Variants in DDX60L observed in about 807,000 individuals in gnomAD.
DDX60L encodes probable ATP-dependent RNA helicase DDX60-like.
In DDX60L, 191 loss-of-function variants were observed where a neutral mutation model predicts 211.6. The ratio of observed to expected loss-of-function variants is 0.90; its 90% CI spans 0.80 to 1.02. DDX60L has a LOEUF of 1.02. Among genes scored for constraint, DDX60L ranks in the 50% least tolerant of loss-of-function variants. The pLI is 0.00. For missense variants in DDX60L, 2,007 were observed against 1,984.1 expected (o/e 1.01, Z -0.22); for synonymous variants, 706 against 694.1 (o/e 1.02, Z -0.27).
chr4:168,463,637 T>C (rs1018711208), intron 4 of DDX60L, among the ~76,000 whole-genome samples: 4 of 152,176 alleles, frequency 2.6e-5, no homozygotes, highest in African/African-American at 9.7e-5. Context: ...TCTAGCCTAC[T>C]AGACTGTCAT....
Position 168,427,067 on chromosome 4 carries a change from T to C in DDX60L, c.1930+3A>G, listed in dbSNP as rs376283344. On this transcript the variant is annotated splice_donor_region_variant and intron_variant, in intron 14 of 37. Coordinates refer to ENST00000682922, the MANE Select transcript of DDX60L (RefSeq NM_001012967.3). ...TTTATCCATAGAGTATGGAGTCCCA[T>C]ACCTTCACCTCGGCAATGTTTTTTC... 57 of 1,599,010 alleles carry C rather than the reference T, an allele frequency of 3.6e-5. No homozygotes were observed. The highest frequency in any genetic ancestry group is 4.0e-5 in the Non-Finnish European group (47 of 1,171,372).
intron 29 of DDX60L, among the ~76,000 whole-genome samples, chr4:168,389,450 C>T (rs1299180574): frequency 6.6e-6 from 1 of 152,094 alleles, no homozygotes; most frequent in Non-Finnish European, 1.5e-5. Context: ...TCTGTATTAC[C>T]TGCTGTGCTA....
At chr4:168,430,751 G>A in intron 12 of DDX60L, 113 bp from the exon 13 acceptor site, 1 of 797,362 alleles carries the variant, frequency 1.3e-6, no homozygotes, top group South Asian at 2.5e-5. Flanking sequence ...ATTTGCCAAT[G>A]AGGTCAGATT....
chr4:168,437,176 G>A lies in DDX60L; in HGVS notation c.1295-4061C>T, dbSNP rs144190041. ...AAGAGACATGTTCGAGTCCTAATTC[G>A]CACTATCTGTGAATGTGACCTTATT... On this transcript the variant is annotated intron_variant, in intron 10 of 37. Coordinates refer to ENST00000682922, the MANE Select transcript of DDX60L (RefSeq NM_001012967.3). Among the ~76,000 whole-genome samples the A allele has an allele frequency of 3.4e-3, 512 of 152,278 alleles. 1 individual carries two copies. The highest frequency in any genetic ancestry group is 0.01 in the Middle Eastern group (3 of 294).
chr4:168,423,061 T>A (rs1057346308), intron 15 of DDX60L, among the ~76,000 whole-genome samples: 4 of 151,758 alleles, frequency 2.6e-5, no homozygotes, highest in Admixed American at 2.6e-4. Context: ...GCTCAAGTGA[T>A]CTGCTCACCT....
intron 17 of DDX60L, among the ~76,000 whole-genome samples, chr4:168,421,309 T>A (rs945215341): frequency 6.6e-6 from 1 of 152,204 alleles, no homozygotes; most frequent in African/African-American, 2.4e-5. Flanking sequence ...AAAATAAGTA[T>A]AATTGCAGTA....
At chr4:168,358,466 T>C (rs1738504607) in intron 37 of DDX60L, among the ~76,000 whole-genome samples, 190 bp from the exon 38 acceptor site, 2 of 151,894 alleles carry the variant, frequency 1.3e-5, no homozygotes. Context: ...TCATGTATCT[T>C]GAGAAAGATA....
chr4:168,399,996 CT>C lies in DDX60L; in HGVS notation c.3491+829del, dbSNP rs1746510969. ...TGCCTATTAGGTATTTCTCCTGATCCTCTCTCTCCCTTTTCCTCCCACCCTC... is the reference window on the plus strand; with the variant it reads ...TGCCTATTAGGTATTTCTCCTGATCCCTCTCTCCCTTTTCCTCCCACCCTC... On this transcript the variant is annotated intron_variant, in intron 26 of 37. Coordinates refer to ENST00000682922, the MANE Select transcript of DDX60L (RefSeq NM_001012967.3). 1.9e-4 allele frequency among the ~76,000 whole-genome samples: 29 copies of C among 152,136 alleles called. 1 individual carries two copies. The highest frequency in any genetic ancestry group is 8.8e-5 in the Non-Finnish European group (6 of 68,030).
At chr4:168,387,426 A>C (rs1744096238) in intron 29 of DDX60L, among the ~76,000 whole-genome samples, 1 of 152,260 alleles carries the variant, frequency 6.6e-6, no homozygotes, top group South Asian at 2.1e-4. Flanking sequence ...TTGCAAACAA[A>C]GGATCTGATT....
Position 168,404,028 on chromosome 4 carries a change from C to A in DDX60L, c.3292G>T (p.Val1098Phe). 1 of 1,500,592 alleles carries A rather than the reference C, an allele frequency of 6.7e-7. No individual in the cohort carries two copies. Among genetic ancestry groups the A allele is most frequent in the Non-Finnish European group, 9.0e-7 (1 of 1,115,666 alleles). The allele number at this position is 1,500,592 out of a possible 1,614,324, so 93.0% of individuals were successfully genotyped here. ...TTATCCATTTGTCTTAACTTTTCAA[C>A]AAGAAGAGGAAACATTTTCACCATA... ...KDMVKMFPLL[V>F]EKLRQMDKLP... is the part of the protein sequence containing the mutation. The change falls in exon 25 of 38, where the codon GTT becomes TTT. Residue 1098 changes from valine to phenylalanine, a missense_variant. Physicochemically the swap from Val to Phe is conservative, Grantham distance 50. Transcript: ENST00000682922.
chr4:168,432,642 T>C, intron 11 of DDX60L, 72 bp from the exon 12 acceptor site: 1 of 852,922 alleles, frequency 1.2e-6, no homozygotes, highest in South Asian at 2.3e-5. Flanking sequence ...CAGGCTGTGA[T>C]AACAGAAATT....
intron 29 of DDX60L, among the ~76,000 whole-genome samples, chr4:168,389,811 C>T (rs550931667): frequency 3.9e-5 from 6 of 152,242 alleles, no homozygotes; most frequent in African/African-American, 1.2e-4. Context: ...TAAACCAAGG[C>T]TGTAGCTATA....
intron 36 of DDX60L, among the ~76,000 whole-genome samples, chr4:168,368,266 C>T (rs2149616467): frequency 6.6e-6 from 1 of 152,342 alleles, no homozygotes; most frequent in Non-Finnish European, 1.5e-5. Context: ...CCCTGCATCC[C>T]AGCTGCTCCA....
At chr4:168,459,316 T>TATAA (rs58602584) in intron 5 of DDX60L, among the ~76,000 whole-genome samples, 2,892 of 151,836 alleles carry the variant, frequency 0.019, 77 homozygotes, top group African/African-American at 0.065. Context: ...CGAGACCCTA[T>TATAA]ATAAATAAAT....
At chr4:168,468,031 G>C (rs1392533161) in intron 4 of DDX60L, among the ~76,000 whole-genome samples, 2 of 152,220 alleles carry the variant, frequency 1.3e-5, no homozygotes, top group East Asian at 3.9e-4. Flanking sequence ...GCCAGGCATG[G>C]TGGCGCATGC....
chr4:168,430,928 G>T (rs1752252635), intron 12 of DDX60L, among the ~76,000 whole-genome samples: 1 of 151,884 alleles, frequency 6.6e-6, no homozygotes, highest in African/African-American at 2.4e-5. Flanking sequence ...CTGCAACAGG[G>T]GTCTACAAAC....
At chr4:168,382,712 T>C (rs1019474788) in intron 30 of DDX60L, among the ~76,000 whole-genome samples, 2 of 152,068 alleles carry the variant, frequency 1.3e-5, no homozygotes, top group African/African-American at 4.8e-5. Context: ...ACAAAAAATA[T>C]ATAGACAGTC....
intron 36 of DDX60L, among the ~76,000 whole-genome samples, chr4:168,368,985 T>C (rs1740470440): frequency 6.6e-6 from 1 of 152,206 alleles, no homozygotes. Context: ...TGGACTTGCC[T>C]TGTATCAGAT....
intron 22 of DDX60L, among the ~76,000 whole-genome samples, 160 bp from the exon 23 acceptor site, chr4:168,406,866 T>G (rs1747833033): frequency 6.6e-6 from 1 of 152,196 alleles, no homozygotes; most frequent in Non-Finnish European, 1.5e-5. Context: ...CAAGGATCTG[T>G]TAATAAAGTC....
Sources: gnomAD v4.1 joint callset for allele counts (sites outside exome capture counted in the v4.1 genomes callset) on GRCh38, gnomAD v4.1.1 for gene constraint, MANE v1.5 for transcripts, NCBI Gene and HGNC (gene_info 2026-07-23, HGNC 2026-07-21) for gene names.